AKAP6: variants seen among roughly 807,000 people sequenced by gnomAD.
AKAP6 encodes A-kinase anchoring protein 6, also known as A-kinase anchor protein 6.
Under a neutral mutation model 188.5 loss-of-function variants are expected in AKAP6, and 58 were observed. That is an observed-to-expected ratio of 0.31 (90% CI 0.25 to 0.38). AKAP6 has a LOEUF of 0.38. Among genes scored for constraint, AKAP6 ranks in the 10% least tolerant of loss-of-function variants. AKAP6 has a pLI of 1.00. For missense variants in AKAP6, 2,710 were observed against 2,740.0 expected (o/e 0.99, Z 0.24); for synonymous variants, 989 against 998.6 (o/e 0.99, Z 0.18).
Position 32,837,308 on chromosome 14 carries a change from T to TAACC in AKAP6, c.*7504_*7507dup, listed in dbSNP as rs2034885127. The TAACC allele has an allele frequency of 6.6e-6, 1 of 152,244 alleles. No homozygotes were observed. The highest frequency in any genetic ancestry group is 1.5e-5 in the Non-Finnish European group (1 of 68,050). The allele number at this position is 152,244 out of a possible 1,614,324, so 9.4% of individuals were successfully genotyped here. A position where few individuals can be genotyped will look rare whatever the true frequency, so the allele number is the denominator to read the frequency against. ...ACATTTCTTTGTCCTTACTTAAACC[T>TAACC]AACCTGCCATTTTAAAAGACACCTA... On this transcript the variant is annotated 3_prime_UTR_variant, in exon 14 of 14. Coordinates refer to ENST00000280979, the MANE Select transcript of AKAP6 (RefSeq NM_004274.5).
At position 32,334,178 on chromosome 14, in the gene AKAP6, G is replaced by A. The variant is rs187258460; in HGVS notation, c.-35+4770G>A. 1.1e-3 allele frequency among the ~76,000 whole-genome samples: 172 copies of A among 152,226 alleles called. 1 individual carries two copies. Among genetic ancestry groups the A allele is most frequent in the Middle Eastern group, 0.01 (3 of 294 alleles). Reference sequence around the variant, plus strand: ...TTTTAGGTACAGTAGCCCCTTCCGCGCCCTTATTTGTGATTTAGCCTTTTG... The same window carrying A: ...TTTTAGGTACAGTAGCCCCTTCCGCACCCTTATTTGTGATTTAGCCTTTTG... On this transcript the variant is annotated intron_variant, in intron 1 of 13. Coordinates refer to ENST00000280979, the MANE Select transcript of AKAP6 (RefSeq NM_004274.5).
chr14:32,605,764 A>G (rs1956217), intron 7 of AKAP6, among the ~76,000 whole-genome samples: 11,007 of 152,248 alleles, frequency 0.072, 1,158 homozygotes, highest in African/African-American at 0.23. Context: ...CTCCAAGCAC[A>G]GCAGTTATGA....
At chr14:32,329,833 TC>T (rs1366584883) in intron 1 of AKAP6, among the ~76,000 whole-genome samples, 3 of 152,096 alleles carry the variant, frequency 2.0e-5, no homozygotes, top group Non-Finnish European at 4.4e-5. Flanking sequence ...AGTATGAAAT[TC>T]ATTATTTACC....
chr14:32,602,456 C>T (rs1885965897), intron 7 of AKAP6, among the ~76,000 whole-genome samples: 1 of 152,164 alleles, frequency 6.6e-6, no homozygotes, highest in South Asian at 2.1e-4. Flanking sequence ...GATCACACCA[C>T]TGCACTCCAA....
intron 2 of AKAP6, among the ~76,000 whole-genome samples, chr14:32,523,459 C>CTT (rs1881959218): frequency 6.7e-6 from 1 of 150,336 alleles, no homozygotes; most frequent in Admixed American, 6.6e-5. Context: ...AAGTTGAATA[C>CTT]CTCTCTCTCT....
At chr14:32,751,880 G>C (rs113175203) in intron 11 of AKAP6, among the ~76,000 whole-genome samples, 1,796 of 152,160 alleles carry the variant, frequency 0.012, 28 homozygotes, top group African/African-American at 0.04. Context: ...ACTTATCTCA[G>C]TGCCATGAAT....
chr14:32,433,231 G>C (rs369989256), intron 1 of AKAP6: 17 of 395,538 alleles, frequency 4.3e-5, no homozygotes, highest in African/African-American at 2.6e-4. Flanking sequence ...TGGGGGCGGT[G>C]GGGGGAGAGT....
At chr14:32,625,056 G>A (rs1886961282) in intron 7 of AKAP6, among the ~76,000 whole-genome samples, 1 of 151,954 alleles carries the variant, frequency 6.6e-6, no homozygotes. Context: ...GTGAACATAA[G>A]CAAATTATTA....
At chr14:32,756,213 G>C (rs2139926460) in intron 11 of AKAP6, among the ~76,000 whole-genome samples, 1 of 152,266 alleles carries the variant, frequency 6.6e-6, no homozygotes, top group South Asian at 2.1e-4. Flanking sequence ...GCTTGTGTCT[G>C]TGGTGGCTGG....
At position 32,786,310 on chromosome 14, in the gene AKAP6, T is replaced by A. The variant is rs1179848810; in HGVS notation, c.3588+12417T>A. Among the ~76,000 whole-genome samples, 894 of 95,282 alleles carry A rather than the reference T, an allele frequency of 9.4e-3. 34 individuals are homozygous for A. The highest frequency in any genetic ancestry group is 0.029 in the African/African-American group (782 of 26,516). 62.5% of individuals were successfully genotyped at this position (95,282 alleles called of 152,430 possible). A position where few individuals can be genotyped will look rare whatever the true frequency, so the allele number is the denominator to read the frequency against. ...CCTAAACCTTTATCTTTTTTTTTTTTTTTTTTTTTTTTTTTGAGACGGAAT... is the reference window on the plus strand; with the variant it reads ...CCTAAACCTTTATCTTTTTTTTTTTATTTTTTTTTTTTTTTGAGACGGAAT... On this transcript the variant is annotated intron_variant, in intron 12 of 13. Coordinates refer to ENST00000280979, the MANE Select transcript of AKAP6 (RefSeq NM_004274.5).
intron 2 of AKAP6, among the ~76,000 whole-genome samples, chr14:32,526,945 C>A (rs1397836080): frequency 6.6e-6 from 1 of 152,146 alleles, no homozygotes; most frequent in Non-Finnish European, 1.5e-5. Context: ...AATTGATGAA[C>A]CTACTTTGGC....
intron 5 of AKAP6, among the ~76,000 whole-genome samples, chr14:32,584,684 ATGAC>A (rs1885148764): frequency 6.6e-6 from 1 of 151,140 alleles, no homozygotes; most frequent in Admixed American, 6.6e-5. Context: ...GATCTGCTTT[ATGAC>A]ACTATTAGGT....
rs555745595 is a variant in AKAP6, at chr14:32,433,523, C to T, written c.30C>T (p.Pro10=). 1.9e-6 allele frequency: 3 copies of T among 1,614,106 alleles called. No homozygotes were observed. In the South Asian group the frequency reaches 3.3e-5, roughly 18 times the overall value. MLTMSVTLS[P]LRSQDLDPMA... Reference sequence around the variant, plus strand: ...TAACCATGAGCGTGACACTTTCCCCCCTGAGGTCACAGGACCTGGATCCCA... The same window carrying T: ...TAACCATGAGCGTGACACTTTCCCCTCTGAGGTCACAGGACCTGGATCCCA... Residue 10 remains proline, a synonymous_variant, in exon 2 of 14, where the codon CCC becomes CCT. Coordinates refer to ENST00000280979, the MANE Select transcript of AKAP6 (RefSeq NM_004274.5).
At chr14:32,653,191 C>T (rs982753558) in intron 7 of AKAP6, among the ~76,000 whole-genome samples, 5 of 152,160 alleles carry the variant, frequency 3.3e-5, no homozygotes, top group Non-Finnish European at 5.9e-5. Flanking sequence ...GGTATTCTGT[C>T]ATCAAAAATT....
chr14:32,570,752 G>A (rs1341781197), intron 4 of AKAP6, among the ~76,000 whole-genome samples: 1 of 152,182 alleles, frequency 6.6e-6, no homozygotes. Flanking sequence ...TTGTCTGGCT[G>A]TAGCAACTGT....
At chr14:32,418,211 AAACTATTGCT>A (rs1889723744) in intron 1 of AKAP6, among the ~76,000 whole-genome samples, 1 of 152,234 alleles carries the variant, frequency 6.6e-6, no homozygotes, top group African/African-American at 2.4e-5. Flanking sequence ...CAATTATGAG[AAACTATTGCT>A]AACAAAGAGA....
At position 32,600,659 on chromosome 14, in the gene AKAP6, G is replaced by A. The variant is rs1396401971; in HGVS notation, c.2597G>A (p.Ser866Asn). 1.2e-6 allele frequency: 2 copies of A among 1,613,314 alleles called. No individual in the cohort carries two copies. Among genetic ancestry groups the A allele is most frequent in the African/African-American group, 2.7e-5 (2 of 75,044 alleles). ...GLKDMLRMIA[S>N]QWKELQRQIK... is the part of the protein sequence containing the mutation. ...AAGGACATGCTGCGGATGATTGCAA[G>A]TCAATGGAAGGAGCTGCAGAGGCAA... The change falls in exon 7 of 14, where the codon AGT (serine) becomes AAT (asparagine). Residue 866 changes from serine (S) to asparagine (N), a missense_variant. Transcript: ENST00000280979.
chr14:32,654,152 T>C (rs545218965), intron 7 of AKAP6, among the ~76,000 whole-genome samples: 16 of 152,186 alleles, frequency 1.1e-4, no homozygotes, highest in Non-Finnish European at 2.1e-4. Context: ...ATATCTGCTG[T>C]GTAATTTTCT....
Position 32,466,469 on chromosome 14 carries a change from C to T in AKAP6, c.324+32652C>T, listed in dbSNP as rs142593459. On this transcript the variant is annotated intron_variant, in intron 2 of 13. Transcript: ENST00000280979. Reference sequence around the variant, plus strand: ...GAAGCCATCATTCTCAGCAAACTAACGCAGGAACAGAAAACCAAACACTGC... The same window carrying T: ...GAAGCCATCATTCTCAGCAAACTAATGCAGGAACAGAAAACCAAACACTGC... Among the ~76,000 whole-genome samples the T allele has an allele frequency of 7.6e-3, 1,161 of 152,092 alleles. 6 individuals are homozygous for T. The highest frequency in any genetic ancestry group is 0.024 in the Middle Eastern group (7 of 294).
Sources: allele counts gnomAD v4.1 joint callset (sites outside exome capture counted in the v4.1 genomes callset), GRCh38; gene constraint gnomAD v4.1.1; transcripts MANE v1.5; gene names NCBI Gene and HGNC (gene_info 2026-07-23, HGNC 2026-07-21).